Variants in KPNA7 observed in about 807,000 individuals in gnomAD.
The protein encoded by KPNA7 is karyopherin subunit alpha 7.
Under a neutral mutation model 53.7 loss-of-function variants are expected in KPNA7, and 54 were observed. The ratio of observed to expected loss-of-function variants is 1.01; its 90% confidence interval spans 0.81 to 1.26. The LOEUF (loss-of-function observed/expected upper bound fraction) is 1.26, where lower values mean the gene tolerates loss of function less well. KPNA7 is among the 50% of genes most tolerant of loss of function. The pLI, the probability that KPNA7 is intolerant of heterozygous loss-of-function variation, is 0.00. For missense variants in KPNA7, 640 were observed against 644.5 expected, an observed-to-expected ratio of 0.99 and a Z score of 0.07; for synonymous variants, 276 against 259.3, an observed-to-expected ratio of 1.06 and a Z score of -0.62.
intron 2 of KPNA7, among the ~76,000 whole-genome samples, chr7:99,206,202 C>T (rs997162996): frequency 6.6e-6 from 1 of 152,140 alleles, no homozygotes; most frequent in African/African-American, 2.4e-5. Context: ...CACACTGTCG[C>T]CTGGATGGAG....
intron 10 of KPNA7, among the ~76,000 whole-genome samples, chr7:99,175,800 C>T (rs1423350545): frequency 1.3e-5 from 2 of 152,042 alleles, no homozygotes; most frequent in East Asian, 3.9e-4. Context: ...ACATGAACCA[C>T]TGCTCCCAGC....
intron 7 of KPNA7, 120 bp downstream of exon 7, chr7:99,188,174 CAAAAAA>C (rs59219718): frequency 2.4e-4 from 92 of 391,034 alleles, no homozygotes; most frequent in African/African-American, 8.5e-4. Context: ...GACTCTGTCT[CAAAAAA>C]AAAAAAAAAA....
chr7:99,211,740 C>T (rs1173691905), upstream of KPNA7, among the ~76,000 whole-genome samples: 3 of 152,184 alleles, frequency 2.0e-5, no homozygotes. Flanking sequence ...CACACCATCC[C>T]TCTGGGTTTC....
chr7:99,167,284 C>A, the KPNA7 span, among the ~76,000 whole-genome samples: 1 of 152,184 alleles, frequency 6.6e-6, no homozygotes, highest in African/African-American at 2.4e-5. Context: ...TGCCTTAGCA[C>A]AGCAGTCTCT....
At chr7:99,171,267 C>G (rs1411183885), downstream of KPNA7, among the ~76,000 whole-genome samples, 2 of 152,128 alleles carry the variant, frequency 1.3e-5, no homozygotes, top group African/African-American at 4.8e-5. Flanking sequence ...TGAGCAGTGT[C>G]TGAAATTTAA....
At chr7:99,174,353 G>A (rs971515371) in intron 10 of KPNA7, among the ~76,000 whole-genome samples, 2 of 152,092 alleles carry the variant, frequency 1.3e-5, no homozygotes, top group African/African-American at 2.4e-5. Context: ...TCTGCATTAC[G>A]ATGAGCTGTA....
downstream of KPNA7, among the ~76,000 whole-genome samples, chr7:99,171,500 G>A (rs1798770651): frequency 6.6e-6 from 1 of 152,100 alleles, no homozygotes; most frequent in South Asian, 2.1e-4. Flanking sequence ...GGAGTGCAGT[G>A]GCACCATCAT....
chr7:99,149,154 C>A, the KPNA7 span, among the ~76,000 whole-genome samples: 1 of 152,074 alleles, frequency 6.6e-6, no homozygotes, highest in Non-Finnish European at 1.5e-5. Context: ...CCGCCTGCCT[C>A]TGCCTCCCAA....
intron 4 of KPNA7, 83 bp downstream of exon 4, chr7:99,196,001 A>G: frequency 8.5e-7 from 1 of 1,174,844 alleles, no homozygotes; most frequent in Middle Eastern, 2.2e-4. Context: ...CCAAGAAACC[A>G]AATAGGCCAC....
the KPNA7 span, among the ~76,000 whole-genome samples, chr7:99,148,746 C>T: frequency 2.0e-5 from 3 of 152,104 alleles, no homozygotes; most frequent in African/African-American, 4.8e-5. Context: ...CATGTGCCAC[C>T]AAACATACCT....
At chr7:99,190,928 CT>C (rs1789916507) in intron 6 of KPNA7, among the ~76,000 whole-genome samples, 1 of 152,084 alleles carries the variant, frequency 6.6e-6, no homozygotes, top group Non-Finnish European at 1.5e-5. Flanking sequence ...CAAGGTACAT[CT>C]GTCAATCCGA....
chr7:99,204,213 T>TA (rs1790685272), intron 2 of KPNA7, among the ~76,000 whole-genome samples: 1 of 151,888 alleles, frequency 6.6e-6, no homozygotes, highest in Admixed American at 6.6e-5. Context: ...ACCCTGTTTC[T>TA]ACCAAAAAAT....
chr7:99,174,387 A>G (rs528289896), intron 10 of KPNA7, among the ~76,000 whole-genome samples: 1 of 152,224 alleles, frequency 6.6e-6, no homozygotes, highest in South Asian at 2.1e-4. Context: ...ATATATTACC[A>G]TGTAGTAATA....
At chr7:99,148,885 C>T in the KPNA7 span, among the ~76,000 whole-genome samples, 1 of 143,938 alleles carries the variant, frequency 6.9e-6, no homozygotes, top group Non-Finnish European at 1.5e-5. Context: ...CCGCACTCAG[C>T]CCAAGAACCG....
chr7:99,155,927 T>A, the KPNA7 span, among the ~76,000 whole-genome samples: 1 of 152,138 alleles, frequency 6.6e-6, no homozygotes, highest in African/African-American at 2.4e-5. Context: ...CTACTTGGAA[T>A]CAATTTCATC....
At chr7:99,191,424 C>T (rs929802968) in intron 6 of KPNA7, among the ~76,000 whole-genome samples, 14 of 151,974 alleles carry the variant, frequency 9.2e-5, no homozygotes, top group Admixed American at 2.0e-4. Flanking sequence ...AAAGTGCTAC[C>T]GCATCCGGCC....
At position 99,196,156 on chromosome 7, in the gene KPNA7, G is replaced by A; in HGVS notation, c.212C>T (p.Thr71Ile). 1 of 1,551,538 alleles carries A rather than the reference G, an allele frequency of 6.4e-7. No individual in the cohort carries two copies. Among genetic ancestry groups the A allele is most frequent in the Non-Finnish European group, 8.7e-7 (1 of 1,146,766 alleles). ...CACACCTTTGATTATTTCACCCAGA[G>A]TGAGGCTGACCTGCAAGAAGAGACA... ...KTAKGVAVSLTLGEIIKGVNS... is the reference protein window; with the variant it reads ...KTAKGVAVSLILGEIIKGVNS... The change falls in exon 4 of 11, where the codon ACT becomes ATT. Residue 71 changes from threonine to isoleucine, a missense_variant. By Grantham distance (89) the Thr-to-Ile change is moderately conservative. Transcript: ENST00000327442.
At chr7:99,161,253 CTCTCTCTCTCTCTCT>C in the KPNA7 span, among the ~76,000 whole-genome samples, 1 of 44,698 alleles carries the variant, frequency 2.2e-5, no homozygotes, top group African/African-American at 4.9e-5. Context: ...CTCTCTCTCT[CTCTCTCTCTCTCTCT>C]CTGATCACTT....
intron 8 of KPNA7, among the ~76,000 whole-genome samples, chr7:99,183,417 A>C (rs1228065977): frequency 1.3e-5 from 2 of 152,166 alleles, no homozygotes; most frequent in Non-Finnish European, 2.9e-5. Context: ...CAAAACAAAT[A>C]ACTTATGGCT....
Sources: gnomAD v4.1 joint callset for allele counts (sites outside exome capture counted in the v4.1 genomes callset) on GRCh38, gnomAD v4.1.1 for gene constraint, MANE v1.5 for transcripts, NCBI Gene and HGNC (gene_info 2026-07-23, HGNC 2026-07-21) for gene names.